The following SLIT1 variants were observed in gnomAD, a reference collection of about 807,000 sequenced individuals.
The protein encoded by SLIT1 is slit guidance ligand 1, also known as slit homolog 1 protein.
Under a neutral mutation model 186.1 loss-of-function variants are expected in SLIT1, and 66 were observed. That is an observed-to-expected ratio of 0.35 (90% CI 0.29 to 0.44). The LOEUF (loss-of-function observed/expected upper bound fraction) is 0.44. SLIT1 is among the 20% of genes least tolerant of loss of function. The probability of loss-of-function intolerance (pLI) is 1.00; values close to 1 mark genes in which losing one functional copy is unlikely to be tolerated. For missense variants in SLIT1, 1,638 were observed against 2,037.4 expected, an observed-to-expected ratio of 0.80 and a Z score of 3.77; for synonymous variants, 761 against 833.8, an observed-to-expected ratio of 0.91 and a Z score of 1.50.
chr10:97,079,740 T>C (rs1483145688), intron 4 of SLIT1, among the ~76,000 whole-genome samples: 1 of 152,232 alleles, frequency 6.6e-6, no homozygotes, highest in East Asian at 1.9e-4. Context: ...AAATGGGCAC[T>C]GTGCAGATGT....
intron 4 of SLIT1, among the ~76,000 whole-genome samples, chr10:97,093,610 AG>A (rs1348485225): frequency 1.3e-5 from 2 of 152,204 alleles, no homozygotes; most frequent in East Asian, 1.9e-4. Context: ...CAAAAGATAG[AG>A]GGGTCCTGGG....
intron 4 of SLIT1, among the ~76,000 whole-genome samples, chr10:97,073,635 C>T (rs1429223331): frequency 6.6e-6 from 1 of 152,178 alleles, no homozygotes; most frequent in Non-Finnish European, 1.5e-5. Flanking sequence ...AGACTTCTGA[C>T]AAGCACCTGG....
At chr10:97,177,992 C>T (rs921055251) in intron 1 of SLIT1, among the ~76,000 whole-genome samples, 10 of 151,930 alleles carry the variant, frequency 6.6e-5, no homozygotes, top group African/African-American at 2.4e-4. Context: ...AACAAACAAA[C>T]AAACAAACAA....
chr10:97,136,635 G>A (rs1589406967), intron 4 of SLIT1, among the ~76,000 whole-genome samples: 1 of 152,314 alleles, frequency 6.6e-6, no homozygotes, highest in Non-Finnish European at 1.5e-5. Context: ...GTTTTATAGA[G>A]TACTGATGAG....
intron 4 of SLIT1, among the ~76,000 whole-genome samples, chr10:97,118,330 G>C (rs1849526909): frequency 6.6e-6 from 1 of 152,196 alleles, no homozygotes; most frequent in South Asian, 2.1e-4. Flanking sequence ...ACTTCCCAAA[G>C]AACTCAGGGC....
In SLIT1 at chr10:97,185,924, C is replaced by G; in HGVS notation, c.-250G>C. 2.1e-6 allele frequency: 1 copy of G among 486,630 alleles called. No homozygotes were observed. Among genetic ancestry groups the G allele is most frequent in the Non-Finnish European group, 3.6e-6 (1 of 278,426 alleles). The allele number at this position is 486,630 out of a possible 1,614,324, so 30.1% of individuals were successfully genotyped here. On this transcript the variant is annotated 5_prime_UTR_variant, in exon 1 of 37. Coordinates refer to ENST00000266058, the MANE Select transcript of SLIT1 (RefSeq NM_003061.3). ...CGTTTCGCCGCCTGCGTCTCCCTCTCCCTCCCTCCAGCTCCCAACTGACTG... is the reference window on the plus strand; with the variant it reads ...CGTTTCGCCGCCTGCGTCTCCCTCTGCCTCCCTCCAGCTCCCAACTGACTG...
chr10:97,163,364 C>T lies in SLIT1; in HGVS notation c.341+16G>A, dbSNP rs1400609622. 5 of 1,610,452 alleles carry T rather than the reference C, an allele frequency of 3.1e-6. No homozygotes were observed. In the Admixed American group the frequency reaches 5.0e-5, roughly 16 times the overall value. The stretch of plus-strand genomic sequence containing the variant: ...CAGCCCCCCGCCCTCCTGGCCTGCA[C>T]CCTGCCAGGACTCACAGCCGCTCCA... On this transcript the variant is annotated intron_variant, in intron 3 of 36. Coordinates refer to ENST00000266058, the MANE Select transcript of SLIT1 (RefSeq NM_003061.3).
At chr10:97,088,891 T>C (rs895168845) in intron 4 of SLIT1, among the ~76,000 whole-genome samples, 18 of 151,962 alleles carry the variant, frequency 1.2e-4, no homozygotes, top group African/African-American at 2.9e-4. Flanking sequence ...CTCATCCTCA[T>C]GAGCTGTCAT....
At chr10:97,131,395 G>A in intron 4 of SLIT1, among the ~76,000 whole-genome samples, 1 of 152,232 alleles carries the variant, frequency 6.6e-6, no homozygotes, top group South Asian at 2.1e-4. Context: ...CTTTCTTCAG[G>A]CTGCGCCCAC....
chr10:97,030,264 G>A (rs1271378135), intron 25 of SLIT1, among the ~76,000 whole-genome samples: 1 of 152,220 alleles, frequency 6.6e-6, no homozygotes, highest in Non-Finnish European at 1.5e-5. Context: ...TTGAATTACA[G>A]CACCTATTGG....
intron 4 of SLIT1, among the ~76,000 whole-genome samples, chr10:97,142,143 G>A (rs1040598003): frequency 4.6e-5 from 7 of 151,784 alleles, no homozygotes; most frequent in South Asian, 2.1e-4. Context: ...TGAAGTCATC[G>A]GCCCTTTCAC....
intron 4 of SLIT1, chr10:97,157,538 C>T: frequency 4.9e-6 from 2 of 410,976 alleles, no homozygotes; most frequent in South Asian, 7.4e-5. Flanking sequence ...CACAAGCATG[C>T]CTGCCTGCAG....
intron 4 of SLIT1, among the ~76,000 whole-genome samples, chr10:97,079,323 CATG>C (rs1849080609): frequency 6.6e-6 from 1 of 152,270 alleles, no homozygotes; most frequent in East Asian, 1.9e-4. Context: ...TCTAGGAACT[CATG>C]ATGTTTTACT....
intron 18 of SLIT1, among the ~76,000 whole-genome samples, chr10:97,046,144 G>A (rs1848731596): frequency 6.6e-6 from 1 of 152,142 alleles, no homozygotes; most frequent in South Asian, 2.1e-4. Flanking sequence ...AGATGGAGGG[G>A]GTGTCCTGCA....
chr10:97,041,199 C>T (rs549940211), intron 20 of SLIT1, among the ~76,000 whole-genome samples: 2 of 152,176 alleles, frequency 1.3e-5, no homozygotes, highest in East Asian at 3.9e-4. Flanking sequence ...GGAGCATCTA[C>T]GAGGGTGCTC....
At chr10:97,025,696 A>G (rs1165630474) in intron 25 of SLIT1, among the ~76,000 whole-genome samples, 1 of 152,200 alleles carries the variant, frequency 6.6e-6, no homozygotes, top group Admixed American at 6.5e-5. Context: ...ACCCCAGCCA[A>G]AGTAAAAATA....
Position 97,034,516 on chromosome 10 carries a change from G to A in SLIT1, c.2393C>T (p.Ser798Phe). 1 of 1,613,722 alleles carries A rather than the reference G, an allele frequency of 6.2e-7. No homozygotes were observed. The highest frequency in any genetic ancestry group is 8.5e-7 in the Non-Finnish European group (1 of 1,179,738). ...GTTGGTGAAGGAGGAATTGCTTAAG[G>A]AACTGATCTTGTTGTTGCTCAGGTC... ...LVDLSNNKIS[S>F]LSNSSFTNMS... is the part of the protein sequence containing the mutation. Residue 798 changes from serine (S) to phenylalanine (F), a missense_variant, in exon 23 of 37, where the codon TCC becomes TTC. Transcript: ENST00000266058.
chr10:97,109,047 A>C (rs1849441743), intron 4 of SLIT1, among the ~76,000 whole-genome samples: 1 of 151,644 alleles, frequency 6.6e-6, no homozygotes, highest in Non-Finnish European at 1.5e-5. Context: ...AAAAATTACA[A>C]TCTAAAAAAA....
chr10:97,020,307 T>C (rs966976557), intron 26 of SLIT1, among the ~76,000 whole-genome samples: 31 of 152,200 alleles, frequency 2.0e-4, no homozygotes, highest in Non-Finnish European at 8.8e-5. Context: ...GCAGGTTACC[T>C]GGGTGAGTTC....
Sources: allele counts gnomAD v4.1 joint callset (sites outside exome capture counted in the v4.1 genomes callset), GRCh38; gene constraint gnomAD v4.1.1; transcripts MANE v1.5; gene names NCBI Gene and HGNC (gene_info 2026-07-23, HGNC 2026-07-21).